LTBP1: variants seen among roughly 807,000 people sequenced by gnomAD.
LTBP1 encodes the protein latent-transforming growth factor beta-binding protein 1.
A neutral mutation model predicts 207.6 loss-of-function variants in LTBP1; 129 were observed. The ratio of observed to expected loss-of-function variants is 0.62; its 90% CI spans 0.54 to 0.72. LTBP1 has a LOEUF of 0.72. Ranked by LOEUF, LTBP1 falls within the 30% of genes least tolerant of loss-of-function variation. The probability of loss-of-function intolerance (pLI) is 0.00; values close to 1 mark genes in which losing one functional copy is unlikely to be tolerated. For missense variants in LTBP1, 2,281 were observed against 2,217.2 expected (o/e 1.03, Z -0.58); for synonymous variants, 963 against 833.7 (o/e 1.16, Z -2.67).
intron 2 of LTBP1, among the ~76,000 whole-genome samples, chr2:32,981,218 GC>G (rs1418137715): frequency 6.6e-6 from 1 of 151,984 alleles, no homozygotes; most frequent in Non-Finnish European, 1.5e-5. Context: ...TCTTAGATTT[GC>G]CCCATTGCGG....
chr2:33,359,234 G>A (rs1000779869), intron 26 of LTBP1, among the ~76,000 whole-genome samples: 3 of 152,158 alleles, frequency 2.0e-5, no homozygotes, highest in South Asian at 2.1e-4. Flanking sequence ...TGTTCTGAGA[G>A]GAGTATATAT....
At chr2:33,020,294 G>C (rs2075101582) in intron 2 of LTBP1, among the ~76,000 whole-genome samples, 1 of 151,954 alleles carries the variant, frequency 6.6e-6, no homozygotes, top group Non-Finnish European at 1.5e-5. Context: ...TACAACATGA[G>C]GTCTATAGGA....
chr2:33,117,064 C>A (rs2150339458), intron 4 of LTBP1, among the ~76,000 whole-genome samples: 1 of 152,248 alleles, frequency 6.6e-6, no homozygotes, highest in African/African-American at 2.4e-5. Context: ...TGACTGAAAT[C>A]TGGCACCTCC....
At chr2:33,127,594 A>G (rs913926736) in intron 4 of LTBP1, among the ~76,000 whole-genome samples, 1 of 152,166 alleles carries the variant, frequency 6.6e-6, no homozygotes, top group African/African-American at 2.4e-5. Flanking sequence ...GAGAATCACC[A>G]GGTGGGACAT....
At chr2:33,392,451 C>T (rs190372821) in intron 32 of LTBP1, among the ~76,000 whole-genome samples, 1 of 152,290 alleles carries the variant, frequency 6.6e-6, no homozygotes, top group East Asian at 1.9e-4. Context: ...TTCCAAAGTG[C>T]TGGGATTAAA....
chr2:33,006,757 G>A (rs1027943850), intron 2 of LTBP1, among the ~76,000 whole-genome samples: 1 of 149,626 alleles, frequency 6.7e-6, no homozygotes. Context: ...GTTCCTTTCA[G>A]CTATTCCCTG....
chr2:33,228,594 G>A (rs114693937), intron 9 of LTBP1, among the ~76,000 whole-genome samples: 11 of 151,112 alleles, frequency 7.3e-5, no homozygotes, highest in Non-Finnish European at 1.5e-4. Context: ...AATCCTATGA[G>A]ATTTGGGCAT....
chr2:33,348,225 G>C (rs1287075427), intron 26 of LTBP1, among the ~76,000 whole-genome samples: 3 of 151,964 alleles, frequency 2.0e-5, no homozygotes, highest in African/African-American at 7.3e-5. Context: ...TTCTTTCTCA[G>C]TCAGTTTTAT....
intron 23 of LTBP1, among the ~76,000 whole-genome samples, chr2:33,310,844 T>TG (rs2149181213): frequency 6.6e-6 from 1 of 152,356 alleles, no homozygotes; most frequent in East Asian, 1.9e-4. Context: ...AACCCATGTT[T>TG]ATATTTTCCA....
Position 33,335,174 on chromosome 2 carries a change from G to GAA in LTBP1, c.3731-7649_3731-7648dup, listed in dbSNP as rs201701995. Among the ~76,000 whole-genome samples, 494 of 118,028 alleles carry GAA rather than the reference G, an allele frequency of 4.2e-3. 3 individuals carry two copies. Among genetic ancestry groups the GAA allele is most frequent in the African/African-American group, 0.014 (452 of 33,204 alleles). 77.4% of individuals were successfully genotyped at this position (118,028 alleles called of 152,430 possible). ...GAAAGTAGTACATCTCCATGCTGGG[G>GAA]AAAAAAAAAAAAAAAAGATGTCTCA... On this transcript the variant is annotated intron_variant, in intron 24 of 33. Coordinates refer to ENST00000404816, the MANE Select transcript of LTBP1 (RefSeq NM_206943.4).
intron 25 of LTBP1, 140 bp from the exon 26 acceptor site, chr2:33,347,227 A>G: frequency 1.2e-6 from 1 of 826,034 alleles, no homozygotes; most frequent in Non-Finnish European, 1.9e-6. Flanking sequence ...CCCTTCCCTA[A>G]AAGAGCAGAA....
intron 9 of LTBP1, among the ~76,000 whole-genome samples, chr2:33,235,521 A>T (rs1417147746): frequency 6.6e-6 from 1 of 152,228 alleles, no homozygotes; most frequent in Non-Finnish European, 1.5e-5. Flanking sequence ...TGGATCCAGA[A>T]ATACCATTTG....
chr2:32,947,629 C>T lies in LTBP1; in HGVS notation c.305C>T (p.Pro102Leu), dbSNP rs1195263667. 8.2e-6 allele frequency: 11 copies of T among 1,339,324 alleles called. No homozygotes were observed. Among genetic ancestry groups the T allele is most frequent in the African/African-American group, 3.1e-5 (2 of 64,556 alleles). 83.0% of individuals were successfully genotyped at this position (1,339,324 alleles called of 1,614,324 possible). Residue 102 changes from proline (P) to leucine (L), a missense_variant, in exon 1 of 34, where the codon CCG (proline) becomes CTG (leucine). By Grantham distance (98) the Pro-to-Leu change is moderately conservative. Coordinates refer to ENST00000404816, the MANE Select transcript of LTBP1 (RefSeq NM_206943.4). Reference protein sequence around the residue: ...GAALQGLRPPPPPPPEPARPA... With the variant: ...GAALQGLRPPLPPPPEPARPA... ...GCCCTGCAGGGGCTCAGACCGCCGC[C>T]GCCGCCGCCGCCGGAGCCTGCGCGT...
intron 4 of LTBP1, among the ~76,000 whole-genome samples, chr2:33,119,708 C>T (rs757346437): frequency 6.6e-6 from 1 of 152,152 alleles, no homozygotes. Context: ...CAGGCGCCTG[C>T]CACCACGCCT....
At chr2:33,100,745 A>G (rs963378977) in intron 3 of LTBP1, among the ~76,000 whole-genome samples, 2 of 152,142 alleles carry the variant, frequency 1.3e-5, no homozygotes, top group African/African-American at 4.8e-5. Flanking sequence ...TTTTCTGTCT[A>G]TAAATCTGCC....
chr2:33,260,762 A>G (rs2092989027), intron 13 of LTBP1, among the ~76,000 whole-genome samples: 1 of 152,164 alleles, frequency 6.6e-6, no homozygotes, highest in Admixed American at 6.5e-5. Flanking sequence ...TTGATTTTGA[A>G]TTTAGTCCTG....
intron 2 of LTBP1, among the ~76,000 whole-genome samples, chr2:33,010,671 GT>G (rs1687560718): frequency 6.7e-6 from 1 of 149,566 alleles, no homozygotes; most frequent in South Asian, 2.1e-4. Flanking sequence ...ATTAAAAAAA[GT>G]TTTTGAACAT....
intron 3 of LTBP1, among the ~76,000 whole-genome samples, chr2:33,098,456 C>A (rs748261057): frequency 6.6e-5 from 10 of 152,020 alleles, no homozygotes; most frequent in Non-Finnish European, 1.3e-4. Flanking sequence ...TTTTCTGAGA[C>A]AGAGTCTCAC....
At chr2:33,153,999 C>T (rs2147901208) in intron 5 of LTBP1, among the ~76,000 whole-genome samples, 1 of 152,316 alleles carries the variant, frequency 6.6e-6, no homozygotes, top group Non-Finnish European at 1.5e-5. Context: ...CCTCAGGCCA[C>T]AGCGCTGTCA....
Sources: gnomAD v4.1 joint callset for allele counts (sites outside exome capture counted in the v4.1 genomes callset) on GRCh38, gnomAD v4.1.1 for gene constraint, MANE v1.5 for transcripts, NCBI Gene and HGNC (gene_info 2026-07-23, HGNC 2026-07-21) for gene names.